The following MPP7 variants were observed in gnomAD, a reference collection of about 807,000 sequenced individuals.
MPP7 encodes the protein MAGUK p55 subfamily member 7.
MPP7 carries 60 observed loss-of-function variants against 76.5 expected under a neutral mutation model. That is an observed-to-expected ratio of 0.78 (90% CI 0.64 to 0.97). The LOEUF (loss-of-function observed/expected upper bound fraction) is 0.97, where lower values mean the gene tolerates loss of function less well. Ranked by LOEUF, MPP7 falls within the 50% of genes least tolerant of loss-of-function variation. MPP7 has a pLI of 0.00. For missense variants in MPP7, 641 were observed against 694.0 expected, an observed-to-expected ratio of 0.92 and a Z score of 0.86; for synonymous variants, 237 against 244.5, an observed-to-expected ratio of 0.97 and a Z score of 0.29.
intron 12 of MPP7, among the ~76,000 whole-genome samples, chr10:28,083,342 T>C (rs1000990882): frequency 2.0e-5 from 3 of 152,228 alleles, no homozygotes; most frequent in Middle Eastern, 3.4e-3. Flanking sequence ...CACTGTACAG[T>C]GTCGTGCTGT....
chr10:28,161,578 C>G (rs10508733), intron 3 of MPP7, among the ~76,000 whole-genome samples: 213 of 152,164 alleles, frequency 1.4e-3, no homozygotes, highest in African/African-American at 4.8e-3. Flanking sequence ...TGTAAGAATA[C>G]GGTCCCTAGG....
At chr10:28,216,886 G>A (rs1319502867) in intron 2 of MPP7, among the ~76,000 whole-genome samples, 2 of 151,662 alleles carry the variant, frequency 1.3e-5, no homozygotes, top group African/African-American at 2.4e-5. Flanking sequence ...TTGGCAGAAC[G>A]AAAACTTGGA....
intron 11 of MPP7, among the ~76,000 whole-genome samples, chr10:28,106,414 G>A (rs879607172): frequency 6.6e-6 from 1 of 152,084 alleles, no homozygotes; most frequent in Admixed American, 6.6e-5. Context: ...ACATCCCTTG[G>A]CATCTCCAAA....
At chr10:28,057,129 G>C (rs1371183853) in intron 15 of MPP7, among the ~76,000 whole-genome samples, 2 of 152,150 alleles carry the variant, frequency 1.3e-5, no homozygotes, top group Non-Finnish European at 2.9e-5. Flanking sequence ...CAGAGGGTGA[G>C]AGCTGAAAGT....
chr10:28,056,955 C>T (rs1851581016), intron 15 of MPP7, among the ~76,000 whole-genome samples: 1 of 152,158 alleles, frequency 6.6e-6, no homozygotes, highest in Admixed American at 6.5e-5. Flanking sequence ...GTCTTCCAAC[C>T]ATCCCTTTTA....
chr10:28,241,577 G>A (rs1049289676), intron 1 of MPP7, among the ~76,000 whole-genome samples: 13 of 152,084 alleles, frequency 8.5e-5, no homozygotes, highest in East Asian at 1.9e-4. Flanking sequence ...TTGTCGGAAC[G>A]CAGCCATAAT....
At chr10:28,149,688 A>G (rs1215965285) in intron 4 of MPP7, among the ~76,000 whole-genome samples, 1 of 150,962 alleles carries the variant, frequency 6.6e-6, no homozygotes, top group African/African-American at 2.4e-5. Flanking sequence ...TTCTCAGAAC[A>G]CCAACAGCTG....
At chr10:28,186,519 A>G (rs1837242661) in intron 3 of MPP7, among the ~76,000 whole-genome samples, 1 of 152,218 alleles carries the variant, frequency 6.6e-6, no homozygotes, top group African/African-American at 2.4e-5. Context: ...TCATTTTACT[A>G]TAGATGAAAA....
intron 2 of MPP7, among the ~76,000 whole-genome samples, chr10:28,212,158 T>C (rs1008961572): frequency 6.6e-6 from 1 of 150,980 alleles, no homozygotes; most frequent in South Asian, 2.1e-4. Flanking sequence ...TCACTCTGGC[T>C]GCTGAATTGA....
intron 1 of MPP7, among the ~76,000 whole-genome samples, chr10:28,249,178 C>A (rs1240110129): frequency 6.6e-6 from 1 of 151,752 alleles, no homozygotes; most frequent in Non-Finnish European, 1.5e-5. Context: ...TCTGCCTGTC[C>A]TCTTCTTAGT....
upstream of MPP7, among the ~76,000 whole-genome samples, chr10:28,307,374 TGAA>T (rs1387592937): frequency 2.6e-5 from 4 of 152,190 alleles, no homozygotes; most frequent in Non-Finnish European, 5.9e-5. Context: ...TTTCCCTATC[TGAA>T]GTGTACCTCC....
At chr10:28,236,044 A>G (rs1033991661) in intron 2 of MPP7, among the ~76,000 whole-genome samples, 4 of 152,188 alleles carry the variant, frequency 2.6e-5, no homozygotes, top group Admixed American at 2.0e-4. Context: ...CACACTTAAG[A>G]TTTTATGTTT....
At chr10:28,069,634 C>G (rs928630281) in intron 13 of MPP7, 138 bp downstream of exon 13, 10 of 486,148 alleles carry the variant, frequency 2.1e-5, no homozygotes, top group Admixed American at 1.5e-4. Context: ...AAAAAACTCA[C>G]ATGCCCCATA....
intron 3 of MPP7, among the ~76,000 whole-genome samples, chr10:28,197,751 G>A (rs1837635832): frequency 6.6e-6 from 1 of 152,130 alleles, no homozygotes; most frequent in South Asian, 2.1e-4. Context: ...CATAGAGTAT[G>A]TACCCAACAA....
rs530679371 is a variant in MPP7, at chr10:28,072,489, CA to C, written c.1124-2638del. Among the ~76,000 whole-genome samples, 68 of 152,216 alleles carry C rather than the reference CA, an allele frequency of 4.5e-4. 2 individuals carry two copies. In the South Asian group the frequency reaches 0.014, roughly 31 times the overall value. On this transcript the variant is annotated intron_variant, in intron 12 of 16. Transcript: ENST00000683449. ...CTCTACCCATCAGCCATTTTGACAT[CA>C]AAAAAAGTTCCCTAACAATGTCCAT...
At chr10:28,270,581 T>G (rs61845921) in intron 1 of MPP7, among the ~76,000 whole-genome samples, 18,245 of 141,596 alleles carry the variant, frequency 0.13, 1,427 homozygotes, top group South Asian at 0.15. Context: ...TCTACATCTA[T>G]TGCTGGGTGG....
At chr10:28,157,275 C>T (rs185753141) in intron 3 of MPP7, among the ~76,000 whole-genome samples, 159 of 152,072 alleles carry the variant, frequency 1.0e-3, no homozygotes, top group Middle Eastern at 6.8e-3. Context: ...ACTTCAAAGA[C>T]GATACAGGGC....
At chr10:28,093,829 A>G (rs1427575756) in intron 11 of MPP7, among the ~76,000 whole-genome samples, 1 of 152,164 alleles carries the variant, frequency 6.6e-6, no homozygotes, top group Non-Finnish European at 1.5e-5. Flanking sequence ...ATGTTGCATG[A>G]GTGTCAAAGA....
At chr10:28,140,494 G>A (rs549199246) in intron 5 of MPP7, among the ~76,000 whole-genome samples, 2 of 151,890 alleles carry the variant, frequency 1.3e-5, no homozygotes, top group Non-Finnish European at 2.9e-5. Flanking sequence ...CTGGGCGACA[G>A]AGTGAGACTT....
Sources: gnomAD v4.1 joint callset for allele counts (sites outside exome capture counted in the v4.1 genomes callset) on GRCh38, gnomAD v4.1.1 for gene constraint, MANE v1.5 for transcripts, NCBI Gene and HGNC (gene_info 2026-07-23, HGNC 2026-07-21) for gene names.